The following COL9A1 variants were observed in gnomAD, a reference collection of about 807,000 sequenced individuals.
COL9A1 encodes collagen alpha-1(IX) chain.
COL9A1 carries 104 observed loss-of-function variants against 142.6 expected under a neutral mutation model. The ratio of observed to expected loss-of-function variants is 0.73; its 90% CI spans 0.62 to 0.86. COL9A1 has a LOEUF of 0.86. Ranked by LOEUF, COL9A1 falls within the 40% of genes least tolerant of loss-of-function variation. The probability of loss-of-function intolerance (pLI) is 0.00; values close to 1 mark genes in which losing one functional copy is unlikely to be tolerated. For synonymous variants in COL9A1, 466 were observed against 396.0 expected (o/e 1.18, Z -2.10); for missense variants, 1,210 against 1,176.6 (o/e 1.03, Z -0.42).
At chr6:70,254,673 A>G in intron 24 of COL9A1, 144 bp from the exon 25 acceptor site, 1 of 505,154 alleles carries the variant, frequency 2.0e-6, no homozygotes, top group Non-Finnish European at 3.8e-6. Flanking sequence ...GACTTAATTT[A>G]GGGTGGGGGA....
At chr6:70,248,555 T>A (rs943126356) in intron 28 of COL9A1, among the ~76,000 whole-genome samples, 1 of 152,220 alleles carries the variant, frequency 6.6e-6, no homozygotes, top group African/African-American at 2.4e-5. Context: ...TTTAATGATG[T>A]AAAGTGAAAG....
intron 1 of COL9A1, 43 bp downstream of exon 1, chr6:70,302,868 C>T: frequency 6.2e-7 from 1 of 1,610,006 alleles, no homozygotes; most frequent in South Asian, 1.1e-5. Flanking sequence ...TGAGGACCCC[C>T]AGCTCCATCT....
chr6:70,288,512 G>A (rs1773538947), intron 5 of COL9A1, among the ~76,000 whole-genome samples: 1 of 152,142 alleles, frequency 6.6e-6, no homozygotes, highest in Non-Finnish European at 1.5e-5. Flanking sequence ...CCACCTGGTA[G>A]CCACCCATCT....
At chr6:70,271,560 G>C in intron 14 of COL9A1, 95 bp downstream of exon 14, 1 of 1,056,782 alleles carries the variant, frequency 9.5e-7, no homozygotes, top group East Asian at 2.4e-5. Flanking sequence ...GTTTTGGTTT[G>C]CAAGTGGAAA....
chr6:70,283,761 G>T lies in COL9A1; in HGVS notation c.756C>A (p.Cys252Ter), dbSNP rs1371636021. Reference protein sequence around the residue: ...CDPLRPRRETCHELPARITPS... With the variant: ...CDPLRPRRET ...CCGTTATTCTGGCTGGCAGCTCATGGCAAGTTTCTCTCCTGGGCCGCAGGG... is the reference window on the plus strand; with the variant it reads ...CCGTTATTCTGGCTGGCAGCTCATGTCAAGTTTCTCTCCTGGGCCGCAGGG... Residue 252 changes from cysteine (C) to a stop codon, truncating the protein, a stop_gained, in exon 6 of 38, where the codon TGC becomes TGA. Transcript: ENST00000357250. LOFTEE classifies it high-confidence loss of function. 6.2e-7 allele frequency: 1 copy of T among 1,611,852 alleles called. No individual in the cohort carries two copies. Among genetic ancestry groups the T allele is most frequent in the Admixed American group, 1.7e-5 (1 of 59,802 alleles).
In COL9A1 at chr6:70,240,830, T is replaced by G. The variant is rs1044820926; in HGVS notation, c.2035-97A>C. On this transcript the variant is annotated intron_variant, in intron 31 of 37. Transcript: ENST00000357250. ...GATAAGCATTCATAAGTGCCCACAG[T>G]GTTCCCAGAATCATGCAGAAATACA... The G allele has an allele frequency of 6.4e-6, 6 of 939,578 alleles. No homozygotes were observed. In the East Asian group the frequency reaches 1.4e-4, roughly 23 times the overall value. 58.2% of individuals were successfully genotyped at this position (939,578 alleles called of 1,614,324 possible).
At chr6:70,237,376 G>A (rs1230299831) in intron 33 of COL9A1, among the ~76,000 whole-genome samples, 1 of 152,314 alleles carries the variant, frequency 6.6e-6, no homozygotes, top group Admixed American at 6.5e-5. Context: ...TACAGACATC[G>A]CCTACTTCAC....
rs2127599903 is a variant in COL9A1 at position 70,283,788 on chromosome 6, G to A, written c.729C>T (p.Asp243=). The A allele has an allele frequency of 6.2e-7, 1 of 1,611,172 alleles. No homozygotes were observed. Among genetic ancestry groups the A allele is most frequent in the Non-Finnish European group, 8.5e-7 (1 of 1,178,790 alleles). The change falls in exon 6 of 38, where the codon GAC becomes GAT. Residue 243 remains aspartate, a synonymous_variant. Coordinates refer to ENST00000357250, the MANE Select transcript of COL9A1 (RefSeq NM_001851.6). ...AAGTTTCTCTCCTGGGCCGCAGGGGGTCACAATGGATCAGCATCCATTGAA... is the reference window on the plus strand; with the variant it reads ...AAGTTTCTCTCCTGGGCCGCAGGGGATCACAATGGATCAGCATCCATTGAA... ...FELQWMLIHC[D]PLRPRRETCH...
chr6:70,267,847 C>G lies in COL9A1; in HGVS notation c.1287+957G>C, dbSNP rs1487650243. 2.0e-5 allele frequency among the ~76,000 whole-genome samples: 3 copies of G among 152,146 alleles called. No individual in the cohort carries two copies. In the East Asian group the frequency reaches 5.8e-4, roughly 29 times the overall value. The stretch of plus-strand genomic sequence containing the variant: ...TTGAAAAATAGGACACCAGTCCAGG[C>G]TGAATCTTCTGCAGTTGAGGGAACC... On this transcript the variant is annotated intron_variant, in intron 17 of 37. Coordinates refer to ENST00000357250, the MANE Select transcript of COL9A1 (RefSeq NM_001851.6).
At chr6:70,234,345 T>G (rs1769757441) in intron 35 of COL9A1, among the ~76,000 whole-genome samples, 194 bp downstream of exon 35, 1 of 151,732 alleles carries the variant, frequency 6.6e-6, no homozygotes, top group Non-Finnish European at 1.5e-5. Context: ...TATTTTACAT[T>G]GAGGCTACGG....
At chr6:70,256,368 C>T (rs1457008955) in intron 21 of COL9A1, among the ~76,000 whole-genome samples, 4 of 151,992 alleles carry the variant, frequency 2.6e-5, no homozygotes, top group South Asian at 2.1e-4. Flanking sequence ...CTTGAGGAAA[C>T]CTAAAATAAT....
rs965501546 is a variant in COL9A1, at chr6:70,294,019, G to C, written c.696+148C>G. ...CACTTTCCAACTTTAAGCTCCTCAA[G>C]ACCAGAAGCTATCTACTTAACTTCC... On this transcript the variant is annotated intron_variant, in intron 5 of 37. Transcript: ENST00000357250. 7.8e-5 allele frequency: 85 copies of C among 1,090,612 alleles called. 1 individual carries two copies. Among genetic ancestry groups the C allele is most frequent in the Non-Finnish European group, 1.4e-5 (10 of 726,316 alleles). The allele number at this position is 1,090,612 out of a possible 1,614,324, so 67.6% of individuals were successfully genotyped here.
chr6:70,245,499 C>G (rs1770537470), intron 28 of COL9A1, among the ~76,000 whole-genome samples: 1 of 152,246 alleles, frequency 6.6e-6, no homozygotes, highest in African/African-American at 2.4e-5. Flanking sequence ...TCTTCAACAG[C>G]CTTGGTGATA....
rs151310170 is a variant in COL9A1 at position 70,300,167 on chromosome 6, G to A, written c.175C>T (p.Leu59=). The A allele has an allele frequency of 1.2e-5, 20 of 1,613,620 alleles. No homozygotes were observed. The South Asian group carries it at 2.0e-4, about 16-fold the overall frequency. Residue 59 remains leucine, a synonymous_variant, in exon 4 of 38, where the codon CTG becomes TTG. Transcript: ENST00000357250. ...TTATCTACCTGGAACTGAGAGATCA[G>A]ATCAAACCCTATAGAATGGGAATAC... ...IGQDDLPGFD[L]ISQFQVDKAA...
chr6:70,245,724 G>A (rs1770552598), intron 28 of COL9A1: 1 of 152,302 alleles, frequency 6.6e-6, no homozygotes, highest in Non-Finnish European at 1.5e-5. Flanking sequence ...GGAGGCCGAG[G>A]TGGGTGGATC....
intron 36 of COL9A1, among the ~76,000 whole-genome samples, chr6:70,231,059 A>G (rs2127556431): frequency 6.6e-6 from 1 of 152,308 alleles, no homozygotes; most frequent in South Asian, 2.1e-4. Context: ...CAGAACCACC[A>G]GGAGGGCCTG....
chr6:70,216,622 TATAA>T lies in COL9A1; in HGVS notation c.*271_*274del. ...AAGCTCAAGATCCTGGGAACAGGAGTATAAATTTATTCAAGGGAGGTGTTTGGTT... is the reference window on the plus strand; with the variant it reads ...AAGCTCAAGATCCTGGGAACAGGAGTATTTATTCAAGGGAGGTGTTTGGTT... On this transcript the variant is annotated 3_prime_UTR_variant, in exon 38 of 38. Transcript: ENST00000357250. 6.2e-6 allele frequency: 3 copies of T among 482,582 alleles called. No individual in the cohort carries two copies. The highest frequency in any genetic ancestry group is 7.6e-6 in the Non-Finnish European group (2 of 264,694). The allele number at this position is 482,582 out of a possible 1,614,324, so 29.9% of individuals were successfully genotyped here. A position where few individuals can be genotyped will look rare whatever the true frequency, so the allele number is the denominator to read the frequency against.
chr6:70,297,691 C>T (rs1168833665), intron 4 of COL9A1, among the ~76,000 whole-genome samples: 1 of 152,050 alleles, frequency 6.6e-6, no homozygotes, highest in Non-Finnish European at 1.5e-5. Flanking sequence ...AGTGAAGAAT[C>T]ATAAGGGTTT....
At chr6:70,276,508 A>T (rs1344030056) in intron 10 of COL9A1, among the ~76,000 whole-genome samples, 2 of 152,182 alleles carry the variant, frequency 1.3e-5, no homozygotes, top group African/African-American at 4.8e-5. Flanking sequence ...TTTTTCGGTT[A>T]CTTCATATTA....
Sources: gnomAD v4.1 joint callset for allele counts (sites outside exome capture counted in the v4.1 genomes callset) on GRCh38, gnomAD v4.1.1 for gene constraint, MANE v1.5 for transcripts, NCBI Gene and HGNC (gene_info 2026-07-23, HGNC 2026-07-21) for gene names.